Variants in AFAP1 observed in about 807,000 individuals in gnomAD.
The protein encoded by AFAP1 is actin filament-associated protein 1.
Under a neutral mutation model 93.9 loss-of-function variants are expected in AFAP1, and 75 were observed. The ratio of observed to expected loss-of-function variants is 0.80; its 90% CI spans 0.66 to 0.97. The LOEUF (loss-of-function observed/expected upper bound fraction) is 0.97. Among genes scored for constraint, AFAP1 ranks in the 50% least tolerant of loss-of-function variants. AFAP1 has a pLI of 0.00. For synonymous variants in AFAP1, 517 were observed against 430.7 expected (o/e 1.20, Z -2.48); for missense variants, 1,201 against 1,050.8 (o/e 1.14, Z -1.98).
chr4:7,814,458 A>C (rs1720299700), intron 8 of AFAP1, among the ~76,000 whole-genome samples: 1 of 151,564 alleles, frequency 6.6e-6, no homozygotes, highest in South Asian at 2.1e-4. Context: ...TCCACGCAAA[A>C]ACCTGTCTCT....
At position 7,841,714 on chromosome 4, in the gene AFAP1, A is replaced by G. The variant is rs553510813; in HGVS notation, c.546+1425T>C. Among the ~76,000 whole-genome samples, 8 of 152,242 alleles carry G rather than the reference A, an allele frequency of 5.3e-5. No individual in the cohort carries two copies. In the South Asian group the frequency reaches 6.2e-4, roughly 12 times the overall value. On this transcript the variant is annotated intron_variant, in intron 5 of 17. Coordinates refer to ENST00000420658, the MANE Select transcript of AFAP1 (RefSeq NM_001134647.2). ...GAAAAAAGCTTCGTAATAAAAGTCA[A>G]TAACTTTGATTCTGCATTTGACCAA... is the stretch of plus-strand genomic sequence containing the variant.
chr4:7,842,301 C>CAAAAAAAA (rs57050150), intron 5 of AFAP1, among the ~76,000 whole-genome samples: 24 of 94,850 alleles, frequency 2.5e-4, no homozygotes, highest in African/African-American at 3.7e-4. Flanking sequence ...CCTGGATTTA[C>CAAAAAAAA]AAAAAAAAAA....
intron 1 of AFAP1, among the ~76,000 whole-genome samples, chr4:7,914,783 G>C (rs981699968): frequency 7.2e-5 from 11 of 152,046 alleles, no homozygotes; most frequent in Non-Finnish European, 1.3e-4. Flanking sequence ...TCTCACTGTT[G>C]CCCAGGCTGG....
At chr4:7,866,206 T>G (rs895970121) in intron 3 of AFAP1, among the ~76,000 whole-genome samples, 20 of 64,616 alleles carry the variant, frequency 3.1e-4, no homozygotes, top group Admixed American at 2.7e-3. Context: ...AGGTTTTTTG[T>G]TTTTTTTTGA....
chr4:7,910,854 T>C (rs529161373), intron 1 of AFAP1, among the ~76,000 whole-genome samples: 1 of 152,296 alleles, frequency 6.6e-6, no homozygotes, highest in African/African-American at 2.4e-5. Context: ...TTGAGACACG[T>C]ATTCCCACTG....
Position 7,793,796 on chromosome 4 carries a change from T to C in AFAP1, c.1297A>G (p.Ile433Val). Residue 433 changes from isoleucine to valine, a missense_variant, in exon 11 of 18, where the codon ATT (isoleucine) becomes GTT (valine). Physicochemically the swap from Ile to Val is conservative, Grantham distance 29 (BLOSUM62 3). Coordinates refer to ENST00000420658, the MANE Select transcript of AFAP1 (RefSeq NM_001134647.2). ...ASSSEDMGRW[I>V]GILLAETGSS... ...CCCGTCTCTGCGAGTAAAATCCCAA[T>C]CCACCTGCCCATGTCTTCAGAAGAA... 1 of 1,561,326 alleles carries C rather than the reference T, an allele frequency of 6.4e-7. No individual in the cohort carries two copies.
At position 7,776,374 on chromosome 4, in the gene AFAP1, C is replaced by CTGTGTGTGTGTATGTG. The variant is rs543577126; in HGVS notation, c.1898-1487_1898-1472dup. 3.1e-4 allele frequency: 47 copies of CTGTGTGTGTGTATGTG among 151,122 alleles called. No homozygotes were observed. In the South Asian group the frequency reaches 3.3e-3, roughly 11 times the overall value. 9.4% of individuals were successfully genotyped at this position (151,122 alleles called of 1,614,324 possible). A position where few individuals can be genotyped will look rare whatever the true frequency, so the allele number is the denominator to read the frequency against. ...TCTAAAGCAGAAACGAGAAGGAATCCTGTGTGTGTGTATGTGTGTGTGCGT... is the reference window on the plus strand; with the variant it reads ...TCTAAAGCAGAAACGAGAAGGAATCCTGTGTGTGTGTATGTGTGTGTGTGTGTATGTGTGTGTGCGT... On this transcript the variant is annotated intron_variant, in intron 14 of 17. Coordinates refer to ENST00000420658, the MANE Select transcript of AFAP1 (RefSeq NM_001134647.2).
intron 1 of AFAP1, among the ~76,000 whole-genome samples, chr4:7,902,556 C>A (rs116766087): frequency 6.6e-6 from 1 of 151,502 alleles, no homozygotes; most frequent in Non-Finnish European, 1.5e-5. Flanking sequence ...CTTCTATTGT[C>A]GTGTTTATAA....
chr4:7,778,801 T>G lies in AFAP1; in HGVS notation c.1858A>C (p.Lys620Gln), dbSNP rs759098481. Residue 620 changes from lysine to glutamine, a missense_variant, in exon 14 of 18, where the codon AAA (lysine) becomes CAA (glutamine). Coordinates refer to ENST00000420658, the MANE Select transcript of AFAP1 (RefSeq NM_001134647.2). ...TTCACAACAGCCGCGGGATCCGCTT[T>G]CTTTGGCTGACTGCTCAGAGTCTTC... ...KGKTLSSQPK[K>Q]ADPAAVVKRT... 2 of 1,614,132 alleles carry G rather than the reference T, an allele frequency of 1.2e-6. No individual in the cohort carries two copies. Among genetic ancestry groups the G allele is most frequent in the African/African-American group, 1.3e-5 (1 of 74,938 alleles).
At position 7,925,613 on chromosome 4, in the gene AFAP1, G is replaced by C. The variant is rs143698857; in HGVS notation, c.-3+14043C>G. ...TGTAATCCCAGCACTTTGGGTGGCC[G>C]AGTCAGGCGGATTACCTGAGGTTGG... On this transcript the variant is annotated intron_variant, in intron 1 of 17. Coordinates refer to ENST00000420658, the MANE Select transcript of AFAP1 (RefSeq NM_001134647.2). Among the ~76,000 whole-genome samples the C allele has an allele frequency of 1.3e-4, 20 of 152,220 alleles. No individual in the cohort carries two copies. The East Asian group carries it at 3.9e-3, about 29-fold the overall frequency.
chr4:7,830,872 GCA>G (rs1324396625), intron 6 of AFAP1, among the ~76,000 whole-genome samples: 1 of 152,116 alleles, frequency 6.6e-6, no homozygotes, highest in Non-Finnish European at 1.5e-5. Flanking sequence ...CCCTCCCAAA[GCA>G]CTGGGATTAC....
chr4:7,937,390 A>T (rs1310116154), intron 1 of AFAP1, among the ~76,000 whole-genome samples: 1 of 152,218 alleles, frequency 6.6e-6, no homozygotes, highest in Non-Finnish European at 1.5e-5. Flanking sequence ...GATTCTTAGA[A>T]ATTATGTAGT....
chr4:7,851,423 T>C (rs1020439078), intron 4 of AFAP1, among the ~76,000 whole-genome samples: 4 of 152,142 alleles, frequency 2.6e-5, no homozygotes, highest in Non-Finnish European at 2.9e-5. Flanking sequence ...AATGGTTTGG[T>C]TGGATGATCG....
chr4:7,802,683 C>G (rs1431971974), intron 9 of AFAP1, among the ~76,000 whole-genome samples: 1 of 148,156 alleles, frequency 6.7e-6, no homozygotes, highest in African/African-American at 2.5e-5. Context: ...GCTCTGTAGC[C>G]CAGGCTGGCA....
At chr4:7,845,630 C>A in intron 4 of AFAP1, among the ~76,000 whole-genome samples, 1 of 151,910 alleles carries the variant, frequency 6.6e-6, no homozygotes, top group East Asian at 1.9e-4. Flanking sequence ...AGGTCTCTGC[C>A]CCGCTTCTGC....
chr4:7,856,605 A>G (rs1330419567), intron 3 of AFAP1, among the ~76,000 whole-genome samples: 1 of 152,152 alleles, frequency 6.6e-6, no homozygotes, highest in African/African-American at 2.4e-5. Flanking sequence ...TAGCCTTAGA[A>G]TATGGACGAG....
chr4:7,830,083 T>C (rs1210131688), intron 6 of AFAP1, among the ~76,000 whole-genome samples: 1 of 130,516 alleles, frequency 7.7e-6, no homozygotes, highest in African/African-American at 3.0e-5. Flanking sequence ...TGCAAAAATC[T>C]CCAGGATACT....
rs114077955 is a variant in AFAP1 at position 7,821,127 on chromosome 4, T to C, written c.727-1956A>G. On this transcript the variant is annotated intron_variant, in intron 6 of 17. Coordinates refer to ENST00000420658, the MANE Select transcript of AFAP1 (RefSeq NM_001134647.2). ...GAGTGAAACTCCATCTCCAAAAATA[T>C]ATATATACATATATCTGTTACCAGC... Among the ~76,000 whole-genome samples, 698 of 152,202 alleles carry C rather than the reference T, an allele frequency of 4.6e-3. 5 individuals are homozygous for C. The highest frequency in any genetic ancestry group is 0.016 in the African/African-American group (656 of 41,528).
intron 2 of AFAP1, among the ~76,000 whole-genome samples, chr4:7,869,226 G>A (rs1716802679): frequency 6.6e-6 from 1 of 151,230 alleles, no homozygotes; most frequent in Non-Finnish European, 1.5e-5. Context: ...TGGAGGGAAG[G>A]AGGAAGGGGA....
Sources: allele counts gnomAD v4.1 joint callset (sites outside exome capture counted in the v4.1 genomes callset), GRCh38; gene constraint gnomAD v4.1.1; transcripts MANE v1.5; gene names NCBI Gene and HGNC (gene_info 2026-07-23, HGNC 2026-07-21).